ZNF578: variants seen among roughly 807,000 people sequenced by gnomAD.
ZNF578 encodes zinc finger protein 578.
In ZNF578, 8 loss-of-function variants were observed where a neutral mutation model predicts 8.3. The ratio of observed to expected loss-of-function variants is 0.96; its 90% CI spans 0.56 to 1.74. ZNF578 has a LOEUF of 1.74. Among genes scored for constraint, ZNF578 ranks in the 40% most tolerant of loss-of-function variants. The pLI is 0.00. For synonymous variants in ZNF578, 206 were observed against 232.2 expected (o/e 0.89, Z 1.03); for missense variants, 726 against 707.5 (o/e 1.03, Z -0.30).
In ZNF578 at chr19:52,497,052, C is replaced by A. The variant is rs2059389464; in HGVS notation, c.-19-4775C>A. Among the ~76,000 whole-genome samples, 3 of 152,272 alleles carry A rather than the reference C, an allele frequency of 2.0e-5. No homozygotes were observed. The South Asian group carries it at 6.2e-4, about 32-fold the overall frequency. ...GGCTCAAGTGATTTTCCCACCTCAG[C>A]CTCCGGAGTAGCTGGGGCCACAGGC... On this transcript the variant is annotated intron_variant, in intron 3 of 5. Coordinates refer to ENST00000421239, the MANE Select transcript of ZNF578 (RefSeq NM_001099694.2).
At chr19:52,492,439 AG>A (rs1043621255) in intron 3 of ZNF578, among the ~76,000 whole-genome samples, 1 of 152,200 alleles carries the variant, frequency 6.6e-6, no homozygotes, top group Non-Finnish European at 1.5e-5. Context: ...AGCTGAGCAC[AG>A]GGTGGACTCT....
chr19:52,478,933 C>G (rs1447550718), intron 2 of ZNF578, among the ~76,000 whole-genome samples: 1 of 151,594 alleles, frequency 6.6e-6, no homozygotes, highest in Non-Finnish European at 1.5e-5. Flanking sequence ...AGGCTGGTCT[C>G]GAACTCCCGA....
intron 2 of ZNF578, among the ~76,000 whole-genome samples, chr19:52,463,055 G>A (rs1038951540): frequency 2.6e-5 from 4 of 152,118 alleles, no homozygotes; most frequent in African/African-American, 9.7e-5. Context: ...CATATGAGGG[G>A]TGGAATATTC....
At chr19:52,504,381 ATG>A (rs2059418135) in intron 4 of ZNF578, among the ~76,000 whole-genome samples, 1 of 152,156 alleles carries the variant, frequency 6.6e-6, no homozygotes, top group Non-Finnish European at 1.5e-5. Context: ...GTGAACCACC[ATG>A]CCCAGCCCTG....
chr19:52,489,154 A>G (rs1041222337), intron 2 of ZNF578, among the ~76,000 whole-genome samples: 8 of 152,074 alleles, frequency 5.3e-5, no homozygotes, highest in African/African-American at 1.9e-4. Context: ...CTGTAGTCCC[A>G]TCTACTCCGG....
At chr19:52,458,288 CAG>C (rs1361764661) in intron 2 of ZNF578, 1 of 152,162 alleles carries the variant, frequency 6.6e-6, no homozygotes, top group Non-Finnish European at 1.5e-5. Context: ...TCTTGTGAAA[CAG>C]ATGTTTCAGG....
In ZNF578 at chr19:52,504,700, G is replaced by C. The variant is rs770845409; in HGVS notation, c.109G>C (p.Glu37Gln). 1 of 1,614,156 alleles carries C rather than the reference G, an allele frequency of 6.2e-7. No homozygotes were observed. The highest frequency in any genetic ancestry group is 8.5e-7 in the Non-Finnish European group (1 of 1,180,026). The change falls in exon 5 of 6, where the codon GAG (glutamate) becomes CAG (glutamine). Residue 37 changes from glutamate (E) to glutamine (Q), a missense_variant. Glu to Gln is a conservative substitution (Grantham distance 29, BLOSUM62 2). Transcript: ENST00000421239. ...TGTGGCTATAGAATTCTCATTGGCAGAGTGGAAATTCCTGAACCCTGCGCA... is the reference window on the plus strand; with the variant it reads ...TGTGGCTATAGAATTCTCATTGGCACAGTGGAAATTCCTGAACCCTGCGCA... The part of the protein sequence containing the change: ...RDVAIEFSLA[E>Q]WKFLNPAQRA...
At chr19:52,486,849 T>C (rs981869924) in intron 2 of ZNF578, among the ~76,000 whole-genome samples, 5 of 150,988 alleles carry the variant, frequency 3.3e-5, no homozygotes, top group African/African-American at 1.2e-4. Flanking sequence ...AGAGGTTAAA[T>C]AAGTTGTGAG....
At chr19:52,462,616 T>C (rs1286767568) in intron 2 of ZNF578, among the ~76,000 whole-genome samples, 1 of 152,198 alleles carries the variant, frequency 6.6e-6, no homozygotes, top group East Asian at 1.9e-4. Context: ...TGTTGTGCCT[T>C]CAGGTTTTCT....
At chr19:52,508,535 C>T (rs867613696) in intron 5 of ZNF578, among the ~76,000 whole-genome samples, 7 of 151,096 alleles carry the variant, frequency 4.6e-5, no homozygotes, top group South Asian at 2.1e-4. Flanking sequence ...CGGTGGCTCT[C>T]GCCTGTAATC....
intron 2 of ZNF578, among the ~76,000 whole-genome samples, chr19:52,478,534 A>C (rs561941952): frequency 6.6e-6 from 1 of 152,054 alleles, no homozygotes; most frequent in South Asian, 2.1e-4. Flanking sequence ...TTTATTTTCA[A>C]CTGGTGCTGT....
At chr19:52,470,707 G>A (rs1029287496) in intron 2 of ZNF578, among the ~76,000 whole-genome samples, 1 of 152,170 alleles carries the variant, frequency 6.6e-6, no homozygotes, top group African/African-American at 2.4e-5. Context: ...TTCTATGCTG[G>A]ACGCTTGCTT....
intron 2 of ZNF578, among the ~76,000 whole-genome samples, chr19:52,485,068 C>G (rs1477364946): frequency 6.6e-6 from 1 of 151,780 alleles, no homozygotes; most frequent in Non-Finnish European, 1.5e-5. Flanking sequence ...GAATGGAAGG[C>G]GAGTCTGGTT....
intron 2 of ZNF578, among the ~76,000 whole-genome samples, chr19:52,489,770 C>T (rs1445165709): frequency 6.6e-6 from 1 of 151,684 alleles, no homozygotes; most frequent in Non-Finnish European, 1.5e-5. Flanking sequence ...ATTCTCCTGC[C>T]TCAGCCTCCC....
intron 2 of ZNF578, among the ~76,000 whole-genome samples, chr19:52,486,711 C>A (rs1355357374): frequency 6.6e-6 from 1 of 151,182 alleles, no homozygotes; most frequent in African/African-American, 2.4e-5. Context: ...GCCACAGGGT[C>A]GGGACACGGG....
At chr19:52,499,272 T>A (rs563809891) in intron 3 of ZNF578, among the ~76,000 whole-genome samples, 2 of 152,178 alleles carry the variant, frequency 1.3e-5, no homozygotes, top group African/African-American at 4.8e-5. Context: ...AAATTTCAAA[T>A]GAATTCCAGT....
rs1331410478 is a variant in ZNF578 at position 52,513,314 on chromosome 19, G to A, written c.*1160G>A. On this transcript the variant is annotated 3_prime_UTR_variant, in exon 6 of 6. Transcript: ENST00000421239. ...TGAGATTACAGGCATATGCCACCGC[G>A]CCTGGCATTGTTTCTTCTTTTCCTT... Among the ~76,000 whole-genome samples the A allele has an allele frequency of 2.4e-4, 36 of 147,802 alleles. No individual in the cohort carries two copies. Among genetic ancestry groups the A allele is most frequent in the Non-Finnish European group, 4.2e-4 (28 of 67,462 alleles).
At chr19:52,509,665 G>A (rs2059437520) in intron 5 of ZNF578, among the ~76,000 whole-genome samples, 1 of 152,088 alleles carries the variant, frequency 6.6e-6, no homozygotes, top group African/African-American at 2.4e-5. Flanking sequence ...TACTTAAGAG[G>A]CTGAGGCAGG....
At chr19:52,509,765 A>G (rs2059437840) in intron 5 of ZNF578, among the ~76,000 whole-genome samples, 1 of 152,228 alleles carries the variant, frequency 6.6e-6, no homozygotes, top group South Asian at 2.1e-4. Flanking sequence ...GTCTCAAAAA[A>G]ATAAAACTAC....
Sources: gnomAD v4.1 joint callset for allele counts (sites outside exome capture counted in the v4.1 genomes callset) on GRCh38, gnomAD v4.1.1 for gene constraint, MANE v1.5 for transcripts, NCBI Gene and HGNC (gene_info 2026-07-23, HGNC 2026-07-21) for gene names.